The following NUP93 variants were observed in gnomAD, a reference collection of about 807,000 sequenced individuals.
NUP93 encodes the protein nucleoporin 93.
In NUP93, 55 loss-of-function variants were observed where a neutral mutation model predicts 107.8. The ratio of observed to expected loss-of-function variants is 0.51; its 90% CI spans 0.41 to 0.64. The LOEUF is 0.64. Among genes scored for constraint, NUP93 ranks in the 30% least tolerant of loss-of-function variants. The pLI is 0.00. For missense variants in NUP93, 937 were observed against 1,044.7 expected (o/e 0.90, Z 1.42); for synonymous variants, 390 against 397.5 (o/e 0.98, Z 0.22).
intron 3 of NUP93, among the ~76,000 whole-genome samples, chr16:56,793,745 C>T (rs1407851460): frequency 6.6e-6 from 1 of 152,090 alleles, no homozygotes; most frequent in East Asian, 1.9e-4. Context: ...TTGAAAGAAA[C>T]TCACTGCCAC....
intron 3 of NUP93, among the ~76,000 whole-genome samples, chr16:56,760,179 T>A (rs771370906): frequency 6.6e-6 from 1 of 152,218 alleles, no homozygotes; most frequent in Admixed American, 6.5e-5. Flanking sequence ...AGAGCTTTGG[T>A]CCTGTACCAC....
intron 3 of NUP93, among the ~76,000 whole-genome samples, chr16:56,778,656 G>A (rs192560004): frequency 1.2e-4 from 18 of 152,306 alleles, no homozygotes; most frequent in South Asian, 1.0e-3. Flanking sequence ...CAGAAATTAC[G>A]TGAGGTTTGG....
chr16:56,807,591 C>G (rs1963170067), intron 5 of NUP93, among the ~76,000 whole-genome samples: 1 of 152,144 alleles, frequency 6.6e-6, no homozygotes, highest in Non-Finnish European at 1.5e-5. Context: ...ACTAACTGAA[C>G]TGTTAGGGAT....
rs868397253 is a variant in NUP93 at position 56,833,795 on chromosome 16, A to G, written c.1538-333A>G. Among the ~76,000 whole-genome samples, 8 of 152,162 alleles carry G rather than the reference A, an allele frequency of 5.3e-5. 1 individual carries two copies. The highest frequency in any genetic ancestry group is 4.2e-4 in the South Asian group (2 of 4,818). On this transcript the variant is annotated intron_variant, in intron 13 of 21. Coordinates refer to ENST00000308159, the MANE Select transcript of NUP93 (RefSeq NM_014669.5). ...GGGATGAGAGAGTCAGGGGAGAGAG[A>G]GGAAGTAAATGTGGATGAATGGCTG...
chr16:56,756,852 G>A (rs1443740147), intron 2 of NUP93, among the ~76,000 whole-genome samples: 3 of 152,114 alleles, frequency 2.0e-5, no homozygotes, highest in African/African-American at 7.2e-5. Context: ...GCATGAGATG[G>A]TATCTCATTG....
intron 2 of NUP93, among the ~76,000 whole-genome samples, chr16:56,752,870 T>G (rs1961949001): frequency 6.6e-6 from 1 of 152,184 alleles, no homozygotes; most frequent in Non-Finnish European, 1.5e-5. Context: ...TCAGCTGATT[T>G]TCAACAAGGG....
chr16:56,836,715 A>G lies in NUP93; in HGVS notation c.1897A>G (p.Lys633Glu), dbSNP rs199678770. The G allele has an allele frequency of 9.4e-6, 15 of 1,603,876 alleles. No individual in the cohort carries two copies. The South Asian group carries it at 1.7e-4, about 18-fold the overall frequency. ...GGCAGCAAAGCTGTATGACCTTGCC[A>G]AGGTAAAGTGTGCCCACTTCCTTCT... ...EEAAKLYDLA[K>E]NADKVLELMN... is the part of the protein sequence containing the mutation. The change falls in exon 17 of 22, where the codon AAG (lysine) becomes GAG (glutamate). Residue 633 changes from lysine (K) to glutamate (E), a missense_variant and splice_region_variant. By Grantham distance (56) the Lys-to-Glu change is moderately conservative. Transcript: ENST00000308159.
At chr16:56,750,970 A>T (rs1160266049) in intron 2 of NUP93, among the ~76,000 whole-genome samples, 1 of 152,062 alleles carries the variant, frequency 6.6e-6, no homozygotes, top group African/African-American at 2.4e-5. Flanking sequence ...ACCAGCCTGG[A>T]CAACATGGCA....
chr16:56,823,744 C>G lies in NUP93; in HGVS notation c.692C>G (p.Thr231Arg). Reference protein sequence around the residue: ...SDMWTMVKQMTDVLLTPATDA... With the variant: ...SDMWTMVKQMRDVLLTPATDA... Reference sequence around the variant, plus strand: ...ATGTGGACCATGGTAAAACAAATGACAGACGTGTTGTTGACACCGGCAACG... The same window carrying G: ...ATGTGGACCATGGTAAAACAAATGAGAGACGTGTTGTTGACACCGGCAACG... Residue 231 changes from threonine to arginine, a missense_variant, in exon 8 of 22, where the codon ACA (threonine) becomes AGA (arginine). Thr to Arg is a moderately conservative substitution (Grantham distance 71). Coordinates refer to ENST00000308159, the MANE Select transcript of NUP93 (RefSeq NM_014669.5). 6.2e-7 allele frequency: 1 copy of G among 1,614,062 alleles called. No homozygotes were observed. The highest frequency in any genetic ancestry group is 2.2e-5 in the East Asian group (1 of 44,896).
At chr16:56,805,420 G>C in intron 4 of NUP93, 84 bp from the exon 5 acceptor site, 1 of 1,500,576 alleles carries the variant, frequency 6.7e-7, no homozygotes, top group Non-Finnish European at 9.1e-7. Flanking sequence ...TTGGTCTGGA[G>C]GGCTTTAGGT....
rs977410560 is a variant in NUP93 at position 56,782,097 on chromosome 16, G to A, written c.298-16379G>A. 27 of 985,214 alleles carry A rather than the reference G, an allele frequency of 2.7e-5. No homozygotes were observed. In the African/African-American group the frequency reaches 4.5e-4, roughly 17 times the overall value. The allele number at this position is 985,214 out of a possible 1,614,324, so 61.0% of individuals were successfully genotyped here. A position where few individuals can be genotyped will look rare whatever the true frequency, so the allele number is the denominator to read the frequency against. The stretch of plus-strand genomic sequence containing the variant: ...CATCCCTCAATTCAGGCAGTTTGGG[G>A]TGGGAAAAACTTGAGCACTGGTTCC... On this transcript the variant is annotated intron_variant, in intron 3 of 21. Transcript: ENST00000308159.
At chr16:56,738,594 T>G (rs565008568) in intron 1 of NUP93, among the ~76,000 whole-genome samples, 3 of 152,216 alleles carry the variant, frequency 2.0e-5, no homozygotes, top group Admixed American at 6.5e-5. Flanking sequence ...TAAAGAACTT[T>G]CCAACAATTT....
At chr16:56,747,949 T>G in intron 1 of NUP93, 1 of 201,102 alleles carries the variant, frequency 5.0e-6, no homozygotes, top group Non-Finnish European at 1.0e-5. Context: ...GAGACAGGAA[T>G]TCTGGTCTGT....
intron 3 of NUP93, among the ~76,000 whole-genome samples, chr16:56,785,323 T>TGGG (rs1962602310): frequency 6.6e-6 from 1 of 152,140 alleles, no homozygotes; most frequent in Non-Finnish European, 1.5e-5. Context: ...TTAAGTACCC[T>TGGG]GGGGGAGGTA....
chr16:56,782,561 T>C (rs1962537173), intron 3 of NUP93: 1 of 152,174 alleles, frequency 6.6e-6, no homozygotes, highest in African/African-American at 2.4e-5. Flanking sequence ...ACATGTGAAG[T>C]GCAAAATTCT....
At chr16:56,747,083 C>T (rs1481428474) in intron 1 of NUP93, among the ~76,000 whole-genome samples, 1 of 151,648 alleles carries the variant, frequency 6.6e-6, no homozygotes, top group Non-Finnish European at 1.5e-5. Flanking sequence ...CTGCACTCTT[C>T]CGCCCCCCAG....
chr16:56,839,263 C>CTTTTT (rs1963974695), intron 19 of NUP93, 194 bp downstream of exon 19: 2 of 111,962 alleles, frequency 1.8e-5, no homozygotes, highest in Non-Finnish European at 3.2e-5. Flanking sequence ...TTTTTTTTGC[C>CTTTTT]TATTCCTTTC....
chr16:56,740,172 G>A (rs1233491326), intron 1 of NUP93, among the ~76,000 whole-genome samples: 27 of 141,258 alleles, frequency 1.9e-4, no homozygotes, highest in African/African-American at 3.0e-4. Context: ...GGGCGGAGAC[G>A]CTCCTCACTT....
In NUP93 at chr16:56,789,324, T is replaced by A. The variant is rs376015379; in HGVS notation, c.298-9152T>A. ...ATTCTCTTTAACCTGTGAGAACTTA[T>A]AGACCATTCTGAAAACCAATTTAAA... is the stretch of plus-strand genomic sequence containing the variant. On this transcript the variant is annotated intron_variant, in intron 3 of 21. Transcript: ENST00000308159. Among the ~76,000 whole-genome samples the A allele has an allele frequency of 5.3e-5, 8 of 152,374 alleles. No individual in the cohort carries two copies. The East Asian group carries it at 1.5e-3, about 29-fold the overall frequency.
Sources: gnomAD v4.1 joint callset for allele counts (sites outside exome capture counted in the v4.1 genomes callset) on GRCh38, gnomAD v4.1.1 for gene constraint, MANE v1.5 for transcripts, NCBI Gene and HGNC (gene_info 2026-07-23, HGNC 2026-07-21) for gene names.